The following TRDN variants were observed in gnomAD, a reference collection of about 807,000 sequenced individuals.
TRDN encodes triadin, also known as triadin in skeletal muscle.
A neutral mutation model predicts 149.7 loss-of-function variants in TRDN; 161 were observed. The observed-to-expected ratio is 1.08, with a 90% CI of 0.95 to 1.23. The LOEUF is 1.23. Among genes scored for constraint, TRDN ranks in the 50% most tolerant of loss-of-function variants. TRDN has a pLI of 0.00. For synonymous variants in TRDN, 294 were observed against 250.5 expected, an observed-to-expected ratio of 1.17 and a Z score of -1.64; for missense variants, 896 against 823.5, an observed-to-expected ratio of 1.09 and a Z score of -1.08.
chr6:123,554,166 G>T (rs1401682112), intron 2 of TRDN, among the ~76,000 whole-genome samples: 1 of 151,904 alleles, frequency 6.6e-6, no homozygotes, highest in African/African-American at 2.4e-5. Context: ...CAAATATTTG[G>T]AACTAAATTG....
intron 9 of TRDN, among the ~76,000 whole-genome samples, chr6:123,479,244 A>G (rs979767833): frequency 6.6e-6 from 1 of 152,172 alleles, no homozygotes; most frequent in East Asian, 1.9e-4. Flanking sequence ...TTATAGTTCT[A>G]GACCAAAGTA....
At chr6:123,461,327 T>C (rs1776436112) in intron 10 of TRDN, among the ~76,000 whole-genome samples, 1 of 152,198 alleles carries the variant, frequency 6.6e-6, no homozygotes, top group African/African-American at 2.4e-5. Flanking sequence ...ATATTATTTA[T>C]AATTGCAAGA....
chr6:123,601,229 T>A (rs1357576672), intron 1 of TRDN, among the ~76,000 whole-genome samples: 4 of 152,128 alleles, frequency 2.6e-5, no homozygotes, highest in African/African-American at 9.7e-5. Context: ...ACAGCAGAGA[T>A]AGAATTTAAG....
chr6:123,548,527 G>T lies in TRDN; in HGVS notation c.318C>A (p.Phe106Leu). 6.3e-7 allele frequency: 1 copy of T among 1,576,152 alleles called. No homozygotes were observed. Among genetic ancestry groups the T allele is most frequent in the Non-Finnish European group, 8.6e-7 (1 of 1,159,836 alleles). Residue 106 changes from phenylalanine (F) to leucine (L), a missense_variant, in exon 3 of 41, where the codon TTC becomes TTA. Coordinates refer to ENST00000334268, the MANE Select transcript of TRDN (RefSeq NM_006073.4). ...MEETTDWIYG[F>L]FSLLSDIISS... ...AGATGATGTCAGATAACAAAGAAAAGAAGCCATAGATCCAGTCCGTGGTTT... is the reference window on the plus strand; with the variant it reads ...AGATGATGTCAGATAACAAAGAAAATAAGCCATAGATCCAGTCCGTGGTTT...
intron 24 of TRDN, among the ~76,000 whole-genome samples, chr6:123,314,220 T>C (rs1778938334): frequency 1.3e-5 from 2 of 151,916 alleles, no homozygotes; most frequent in Admixed American, 1.3e-4. Context: ...ATACAAGACA[T>C]ACATGCAGCC....
At chr6:123,577,938 T>C (rs1028053625) in intron 1 of TRDN, among the ~76,000 whole-genome samples, 1 of 152,206 alleles carries the variant, frequency 6.6e-6, no homozygotes, top group Non-Finnish European at 1.5e-5. Flanking sequence ...TATCTCCTTT[T>C]GAAAAGTGTC....
At chr6:123,427,185 T>C (rs1389116199) in intron 12 of TRDN, among the ~76,000 whole-genome samples, 2 of 151,880 alleles carry the variant, frequency 1.3e-5, no homozygotes, top group South Asian at 2.1e-4. Context: ...TTTGCTGGAA[T>C]AGGCAGTCAG....
At chr6:123,234,468 T>G (rs1775715122) in intron 38 of TRDN, among the ~76,000 whole-genome samples, 1 of 152,158 alleles carries the variant, frequency 6.6e-6, no homozygotes, top group South Asian at 2.1e-4. Context: ...AGAATGGTTT[T>G]GCTTTAATAA....
chr6:123,460,229 T>C (rs1381163268), intron 10 of TRDN, among the ~76,000 whole-genome samples: 4 of 152,184 alleles, frequency 2.6e-5, no homozygotes, highest in African/African-American at 7.2e-5. Context: ...ATTGAAAAAT[T>C]ATATTAGAGT....
intron 7 of TRDN, among the ~76,000 whole-genome samples, chr6:123,508,255 C>A (rs939527626): frequency 1.3e-5 from 2 of 152,072 alleles, no homozygotes; most frequent in African/African-American, 4.8e-5. Flanking sequence ...AAAGATGGTG[C>A]AACTAAATGA....
At chr6:123,224,681 AC>A (rs1775292170) in intron 38 of TRDN, among the ~76,000 whole-genome samples, 1 of 151,756 alleles carries the variant, frequency 6.6e-6, no homozygotes, top group African/African-American at 2.4e-5. Flanking sequence ...TTCAATATAT[AC>A]TGTTGGGAAA....
chr6:123,447,234 C>T (rs769983468), intron 10 of TRDN, among the ~76,000 whole-genome samples: 5 of 152,288 alleles, frequency 3.3e-5, no homozygotes, highest in Admixed American at 2.0e-4. Context: ...AGTGACTACC[C>T]GAGACCTTTA....
intron 23 of TRDN, among the ~76,000 whole-genome samples, chr6:123,326,298 C>T (rs1020336660): frequency 5.3e-5 from 8 of 151,980 alleles, no homozygotes; most frequent in Non-Finnish European, 1.0e-4. Context: ...TAGATTTCTA[C>T]TAGAATGTCC....
At chr6:123,585,143 G>T (rs9385306) in intron 1 of TRDN, among the ~76,000 whole-genome samples, 4,980 of 134,080 alleles carry the variant, frequency 0.037, 115 homozygotes, top group Middle Eastern at 0.097. Flanking sequence ...GTGGGTTAAG[G>T]TGGGGGAATA....
chr6:123,508,719 T>G (rs1237194666), intron 7 of TRDN, among the ~76,000 whole-genome samples: 1 of 152,164 alleles, frequency 6.6e-6, no homozygotes, highest in Admixed American at 6.6e-5. Context: ...CCTGAAGTGT[T>G]CTAACCAATG....
At chr6:123,231,941 G>T (rs1468923536) in intron 38 of TRDN, among the ~76,000 whole-genome samples, 1 of 152,040 alleles carries the variant, frequency 6.6e-6, no homozygotes, top group African/African-American at 2.4e-5. Context: ...AAGGATAAGG[G>T]CAAGAAGAAG....
chr6:123,397,047 G>GAAA (rs5879676), intron 12 of TRDN, among the ~76,000 whole-genome samples: 13 of 147,910 alleles, frequency 8.8e-5, no homozygotes, highest in Admixed American at 6.7e-4. Flanking sequence ...TCCCATCTCT[G>GAAA]AAAAAAAAAA....
chr6:123,260,200 A>G (rs1776714809), intron 34 of TRDN, among the ~76,000 whole-genome samples: 1 of 152,078 alleles, frequency 6.6e-6, no homozygotes, highest in African/African-American at 2.4e-5. Context: ...ACTACATGTT[A>G]CATTTTTACC....
At chr6:123,496,639 A>G (rs1022366385) in intron 9 of TRDN, among the ~76,000 whole-genome samples, 2 of 152,120 alleles carry the variant, frequency 1.3e-5, no homozygotes, top group Non-Finnish European at 2.9e-5. Context: ...AAGACAAGGT[A>G]GATATATTCC....
Sources: allele counts gnomAD v4.1 joint callset (sites outside exome capture counted in the v4.1 genomes callset), GRCh38; gene constraint gnomAD v4.1.1; transcripts MANE v1.5; gene names NCBI Gene and HGNC (gene_info 2026-07-23, HGNC 2026-07-21).